Variants in TCAIM observed in about 807,000 individuals in gnomAD.
The protein encoded by TCAIM is T cell activation inhibitor, mitochondrial, also known as T-cell activation inhibitor, mitochondrial.
Under a neutral mutation model 58.6 loss-of-function variants are expected in TCAIM, and 36 were observed. The ratio of observed to expected loss-of-function variants is 0.61; its 90% CI spans 0.47 to 0.81. The LOEUF (loss-of-function observed/expected upper bound fraction) is 0.81. TCAIM is among the 30% of genes least tolerant of loss of function. The pLI, the probability that TCAIM is intolerant of heterozygous loss-of-function variation, is 0.00. For synonymous variants in TCAIM, 172 were observed against 193.6 expected, an observed-to-expected ratio of 0.89 and a Z score of 0.93; for missense variants, 466 against 579.6, an observed-to-expected ratio of 0.80 and a Z score of 2.01.
chr3:44,378,996 C>CA (rs1241571878), intron 5 of TCAIM, among the ~76,000 whole-genome samples: 4 of 143,388 alleles, frequency 2.8e-5, no homozygotes, highest in African/African-American at 1.0e-4. Flanking sequence ...CCTTCTCTAC[C>CA]AAAAATACAA....
intron 3 of TCAIM, among the ~76,000 whole-genome samples, chr3:44,359,962 C>T (rs972742977): frequency 6.6e-6 from 1 of 152,072 alleles, no homozygotes; most frequent in Non-Finnish European, 1.5e-5. Context: ...TGTGTCAAGC[C>T]CTTGCCCTAG....
Position 44,367,511 on chromosome 3 carries a change from A to G in TCAIM, c.375A>G (p.Leu125=). The part of the protein sequence containing the change: ...LHTRDLLSTV[L]YILNSCSLSV... ...CCAGAGATCTGCTAAGCACAGTGTTATATATTCTCAACTCCTGCAGTTTAT... is the reference window on the plus strand; with the variant it reads ...CCAGAGATCTGCTAAGCACAGTGTTGTATATTCTCAACTCCTGCAGTTTAT... Residue 125 remains leucine (L), a synonymous_variant, in exon 5 of 11, where the codon TTA becomes TTG. Transcript: ENST00000342649. 6.2e-7 allele frequency: 1 copy of G among 1,614,170 alleles called. No homozygotes were observed.
intron 8 of TCAIM, among the ~76,000 whole-genome samples, chr3:44,399,925 A>G (rs989393888): frequency 3.3e-5 from 5 of 152,226 alleles, no homozygotes; most frequent in African/African-American, 1.2e-4. Flanking sequence ...GTGCGCAATC[A>G]TATTTATTGC....
chr3:44,386,235 CT>C (rs1217089964), intron 5 of TCAIM, among the ~76,000 whole-genome samples: 3 of 140,120 alleles, frequency 2.1e-5, no homozygotes, highest in Admixed American at 7.1e-5. Context: ...AAAAAAAACA[CT>C]TTAAAATTAG....
chr3:44,391,263 A>C (rs559630391), intron 5 of TCAIM: 1 of 152,398 alleles, frequency 6.6e-6, no homozygotes, highest in South Asian at 2.1e-4. Context: ...ATCTCAGCTC[A>C]CTGCAACCTC....
chr3:44,383,999 TATAAA>T (rs1559576926), intron 5 of TCAIM, among the ~76,000 whole-genome samples: 1 of 152,170 alleles, frequency 6.6e-6, no homozygotes, highest in Non-Finnish European at 1.5e-5. Flanking sequence ...TTTCATTTCT[TATAAA>T]ATCAGCATTT....
At chr3:44,352,996 A>T (rs779813707) in intron 1 of TCAIM, among the ~76,000 whole-genome samples, 3 of 145,242 alleles carry the variant, frequency 2.1e-5, no homozygotes, top group African/African-American at 5.1e-5. Flanking sequence ...ATCTCGGCTC[A>T]CTGCAACCCT....
chr3:44,342,132 C>T (rs577775171), intron 1 of TCAIM, among the ~76,000 whole-genome samples: 191 of 152,182 alleles, frequency 1.3e-3, no homozygotes, highest in African/African-American at 4.2e-3. Flanking sequence ...AAAATAAAGA[C>T]AAAATTCAAT....
intron 1 of TCAIM, among the ~76,000 whole-genome samples, chr3:44,344,593 C>T (rs1269095527): frequency 6.6e-6 from 1 of 152,000 alleles, no homozygotes; most frequent in Admixed American, 6.5e-5. Flanking sequence ...TTGTAATTTT[C>T]CTTTTTTCTG....
chr3:44,359,756 T>G (rs1359877928), intron 3 of TCAIM: 1 of 152,248 alleles, frequency 6.6e-6, no homozygotes, highest in Non-Finnish European at 1.5e-5. Context: ...TTGCTGATTT[T>G]AATCTCCATT....
intron 1 of TCAIM, among the ~76,000 whole-genome samples, chr3:44,348,028 C>T (rs1318953918): frequency 1.3e-5 from 2 of 152,086 alleles, no homozygotes; most frequent in Admixed American, 1.3e-4. Context: ...GTGGGAATAA[C>T]TAAAAAGTAG....
intron 5 of TCAIM, among the ~76,000 whole-genome samples, chr3:44,377,984 C>T (rs1012709369): frequency 2.0e-5 from 3 of 152,030 alleles, no homozygotes; most frequent in Admixed American, 6.6e-5. Context: ...GCAAAAGAAA[C>T]GATATATCAA....
intron 5 of TCAIM, among the ~76,000 whole-genome samples, chr3:44,383,826 AAAAAAAAATTT>A (rs945188932): frequency 4.0e-5 from 6 of 151,350 alleles, no homozygotes; most frequent in African/African-American, 1.5e-4. Context: ...AAAAAAAAAA[AAAAAAAAATTT>A]AAATTAGCCA....
chr3:44,358,703 C>A, intron 3 of TCAIM: 1 of 982,322 alleles, frequency 1.0e-6, no homozygotes, highest in Non-Finnish European at 1.2e-6. Flanking sequence ...TGGAACCAAT[C>A]CCCTATGGAT....
intron 5 of TCAIM, among the ~76,000 whole-genome samples, chr3:44,379,951 G>C (rs1701629463): frequency 6.6e-6 from 1 of 152,114 alleles, no homozygotes; most frequent in Non-Finnish European, 1.5e-5. Context: ...ACTGTGCTTA[G>C]TACCTGGGTG....
At chr3:44,389,656 C>A (rs1279556140) in intron 5 of TCAIM, among the ~76,000 whole-genome samples, 3 of 151,912 alleles carry the variant, frequency 2.0e-5, no homozygotes, top group African/African-American at 7.3e-5. Context: ...CCTGCTTAAT[C>A]ACACACCATG....
In TCAIM at chr3:44,408,675, A is replaced by G. The variant is rs1158836358; in HGVS notation, c.*993A>G. 3 of 152,204 alleles carry G rather than the reference A, an allele frequency of 2.0e-5. No individual in the cohort carries two copies. The highest frequency in any genetic ancestry group is 2.9e-5 in the Non-Finnish European group (2 of 68,042). The allele number at this position is 152,204 out of a possible 1,614,324, so 9.4% of individuals were successfully genotyped here. A position where few individuals can be genotyped will look rare whatever the true frequency, so the allele number is the denominator to read the frequency against. On this transcript the variant is annotated 3_prime_UTR_variant, in exon 11 of 11. Transcript: ENST00000342649. ...CCTGTTTCCCAAAGAGCTCTAAGAA[A>G]TAGAATCAAGTGTAAAATGGTTCAG...
intron 10 of TCAIM, among the ~76,000 whole-genome samples, chr3:44,402,600 G>A (rs1450776519): frequency 1.3e-5 from 2 of 152,032 alleles, no homozygotes; most frequent in Non-Finnish European, 2.9e-5. Context: ...TGACTGTTAC[G>A]TGCCCAAAGC....
intron 8 of TCAIM, 139 bp downstream of exon 8, chr3:44,396,973 G>A (rs1701945888): frequency 4.1e-6 from 3 of 724,582 alleles, no homozygotes; most frequent in Admixed American, 3.0e-5. Context: ...CGCAGTATCA[G>A]CTGTTTTCAG....
Sources: allele counts gnomAD v4.1 joint callset (sites outside exome capture counted in the v4.1 genomes callset), GRCh38; gene constraint gnomAD v4.1.1; transcripts MANE v1.5; gene names NCBI Gene and HGNC (gene_info 2026-07-23, HGNC 2026-07-21).